Variants in PTPRK observed in about 807,000 individuals in gnomAD.
PTPRK encodes protein tyrosine phosphatase receptor type K.
In PTPRK, 75 loss-of-function variants were observed where a neutral mutation model predicts 178.0. The observed-to-expected ratio is 0.42, with a 90% CI of 0.35 to 0.51. The LOEUF (loss-of-function observed/expected upper bound fraction) is 0.51. Ranked by LOEUF, PTPRK falls within the 20% of genes least tolerant of loss-of-function variation. The pLI is 0.02. For synonymous variants in PTPRK, 637 were observed against 620.6 expected (o/e 1.03, Z -0.39); for missense variants, 1,441 against 1,797.8 (o/e 0.80, Z 3.59).
chr6:128,319,504 T>C (rs1027477872), intron 3 of PTPRK, among the ~76,000 whole-genome samples: 4 of 152,140 alleles, frequency 2.6e-5, no homozygotes, highest in African/African-American at 9.7e-5. Flanking sequence ...AATAAAAAAC[T>C]TGAAAAGAAT....
At chr6:128,038,317 TTTAAG>T (rs1776567458) in intron 13 of PTPRK, among the ~76,000 whole-genome samples, 4 of 152,326 alleles carry the variant, frequency 2.6e-5, no homozygotes, top group South Asian at 2.1e-4. Context: ...AAATAGCAAC[TTTAAG>T]TTAACATTTT....
chr6:127,987,565 G>A (rs979423078), intron 21 of PTPRK, among the ~76,000 whole-genome samples: 5 of 151,972 alleles, frequency 3.3e-5, no homozygotes, highest in Non-Finnish European at 7.4e-5. Flanking sequence ...GAATATTTAT[G>A]CAGATTTGGT....
At chr6:128,479,015 G>T (rs1426078808) in intron 1 of PTPRK, among the ~76,000 whole-genome samples, 1 of 151,974 alleles carries the variant, frequency 6.6e-6, no homozygotes, top group Non-Finnish European at 1.5e-5. Flanking sequence ...CAAGCCAAAT[G>T]TTCTCAGTGG....
chr6:128,254,930 C>T (rs1489329337), intron 3 of PTPRK, among the ~76,000 whole-genome samples: 1 of 152,090 alleles, frequency 6.6e-6, no homozygotes, highest in Admixed American at 6.6e-5. Context: ...TTAAAATGGG[C>T]CTGATTCATA....
At chr6:128,425,313 G>C (rs1211988777) in intron 1 of PTPRK, among the ~76,000 whole-genome samples, 1 of 151,936 alleles carries the variant, frequency 6.6e-6, no homozygotes, top group Admixed American at 6.6e-5. Flanking sequence ...TCCTGACCTG[G>C]TGATCCGCCT....
Position 128,211,837 on chromosome 6 carries a change from G to A in PTPRK, c.868+7085C>T, listed in dbSNP as rs1444000313. ...GGAGGGGAGAGTGGGAGAGACTCAA[G>A]AACTCAAACTAATGAAGTAATGTCC... is the stretch of plus-strand genomic sequence containing the variant. On this transcript the variant is annotated intron_variant, in intron 6 of 29. Coordinates refer to ENST00000368226, the MANE Select transcript of PTPRK (RefSeq NM_002844.4). Among the ~76,000 whole-genome samples the A allele has an allele frequency of 3.3e-5, 5 of 151,894 alleles. No individual in the cohort carries two copies. In the South Asian group the frequency reaches 6.2e-4, roughly 19 times the overall value.
chr6:128,296,219 C>T (rs1423937055), intron 3 of PTPRK, among the ~76,000 whole-genome samples: 1 of 152,066 alleles, frequency 6.6e-6, no homozygotes, highest in Non-Finnish European at 1.5e-5. Flanking sequence ...CACCACAGGG[C>T]CTTTACCCTG....
At chr6:128,222,308 G>A (rs1222405104) in intron 5 of PTPRK, among the ~76,000 whole-genome samples, 1 of 152,068 alleles carries the variant, frequency 6.6e-6, no homozygotes, top group African/African-American at 2.4e-5. Context: ...TACATTTTAT[G>A]GTACCTTACA....
chr6:128,446,735 C>A (rs1340176901), intron 1 of PTPRK, among the ~76,000 whole-genome samples: 2 of 152,108 alleles, frequency 1.3e-5, no homozygotes, highest in Admixed American at 1.3e-4. Flanking sequence ...GCTTCAAGCA[C>A]TCTGGGCTAC....
chr6:128,001,767 G>A (rs2326670), intron 15 of PTPRK, among the ~76,000 whole-genome samples: 92 of 151,816 alleles, frequency 6.1e-4, no homozygotes, highest in African/African-American at 1.7e-3. Flanking sequence ...CAGGAGGACC[G>A]AGACTTGGAC....
intron 1 of PTPRK, among the ~76,000 whole-genome samples, chr6:128,469,881 G>C (rs1402095984): frequency 1.3e-5 from 2 of 152,074 alleles, no homozygotes; most frequent in Non-Finnish European, 2.9e-5. Context: ...AAAGATAGGT[G>C]ACTTCTAGAA....
At chr6:128,471,927 G>A (rs766751652) in intron 1 of PTPRK, among the ~76,000 whole-genome samples, 3 of 151,894 alleles carry the variant, frequency 2.0e-5, no homozygotes, top group Non-Finnish European at 2.9e-5. Context: ...GCCAGCTTAT[G>A]AGCGGGCAAT....
intron 5 of PTPRK, among the ~76,000 whole-genome samples, chr6:128,234,076 AC>A (rs1334697182): frequency 1.3e-5 from 2 of 152,214 alleles, no homozygotes; most frequent in African/African-American, 4.8e-5. Context: ...CTAATGCATA[AC>A]TTTCAGTCCA....
At chr6:128,494,457 G>C (rs1854367489) in intron 1 of PTPRK, among the ~76,000 whole-genome samples, 1 of 152,022 alleles carries the variant, frequency 6.6e-6, no homozygotes, top group Non-Finnish European at 1.5e-5. Context: ...TTTGTGATCC[G>C]CCAGACTTGC....
At chr6:127,995,578 C>T (rs771063810) in intron 17 of PTPRK, 40 bp from the exon 18 acceptor site, 2 of 1,288,106 alleles carry the variant, frequency 1.6e-6, no homozygotes, top group South Asian at 1.4e-5. Flanking sequence ...GTTAAATTTT[C>T]CCCCTGTTCT....
intron 7 of PTPRK, among the ~76,000 whole-genome samples, chr6:128,168,568 T>G (rs533268016): frequency 6.6e-6 from 1 of 152,204 alleles, no homozygotes; most frequent in South Asian, 2.1e-4. Context: ...CACCACCTCC[T>G]GCCATATAAG....
At chr6:128,285,170 G>C (rs1279882595) in intron 3 of PTPRK, among the ~76,000 whole-genome samples, 1 of 152,160 alleles carries the variant, frequency 6.6e-6, no homozygotes, top group African/African-American at 2.4e-5. Context: ...AAATTCTAAT[G>C]TTCTCAGGCC....
At chr6:128,306,186 C>T (rs751592242) in intron 3 of PTPRK, among the ~76,000 whole-genome samples, 15 of 152,136 alleles carry the variant, frequency 9.9e-5, no homozygotes, top group African/African-American at 2.9e-4. Context: ...AGAGCCTAAC[C>T]ATACCAGGGA....
At chr6:128,065,974 G>C (rs1781681955) in intron 12 of PTPRK, among the ~76,000 whole-genome samples, 2 of 152,052 alleles carry the variant, frequency 1.3e-5, no homozygotes, top group Non-Finnish European at 2.9e-5. Context: ...CCACAGTGCA[G>C]ATATATTAAC....
Sources: gnomAD v4.1 joint callset for allele counts (sites outside exome capture counted in the v4.1 genomes callset) on GRCh38, gnomAD v4.1.1 for gene constraint, MANE v1.5 for transcripts, NCBI Gene and HGNC (gene_info 2026-07-23, HGNC 2026-07-21) for gene names.